Variants in ACSS2 observed in about 807,000 individuals in gnomAD.
ACSS2 encodes acyl-CoA synthetase short chain family member 2.
Under a neutral mutation model 90.6 loss-of-function variants are expected in ACSS2, and 58 were observed. The ratio of observed to expected loss-of-function variants is 0.64; its 90% CI spans 0.52 to 0.80. The LOEUF is 0.80. Among genes scored for constraint, ACSS2 ranks in the 30% least tolerant of loss-of-function variants. The pLI is 0.00. For synonymous variants in ACSS2, 300 were observed against 330.9 expected, an observed-to-expected ratio of 0.91 and a Z score of 1.01; for missense variants, 759 against 912.0, an observed-to-expected ratio of 0.83 and a Z score of 2.16.
chr20:34,923,818 A>AC (rs2081257354), intron 14 of ACSS2, among the ~76,000 whole-genome samples: 1 of 53,268 alleles, frequency 1.9e-5, no homozygotes, highest in Admixed American at 1.8e-4. Context: ...CGCCCCCCCC[A>AC]CCTCCCCGGC....
At chr20:34,899,923 A>T (rs564695164) in intron 2 of ACSS2, among the ~76,000 whole-genome samples, 1 of 152,296 alleles carries the variant, frequency 6.6e-6, no homozygotes, top group East Asian at 1.9e-4. Flanking sequence ...TCTTGGGTAT[A>T]TAGCTAGGAG....
chr20:34,879,533 A>AC (rs11167247), intron 1 of ACSS2, among the ~76,000 whole-genome samples: 439 of 149,446 alleles, frequency 2.9e-3, no homozygotes, highest in Non-Finnish European at 5.1e-3. Flanking sequence ...ACACACCCCT[A>AC]CCCCCCCCAA....
chr20:34,926,961 G>T lies in ACSS2; in HGVS notation c.1978+10G>T, dbSNP rs1383888193. 6.2e-7 allele frequency: 1 copy of T among 1,614,188 alleles called. No individual in the cohort carries two copies. On this transcript the variant is annotated intron_variant, in intron 17 of 17. Coordinates refer to ENST00000360596, the MANE Select transcript of ACSS2 (RefSeq NM_018677.4). Reference sequence around the variant, plus strand: ...CCTAAAACCCGCTCAGGTATGTTCAGAGGCCTCCATGGATTGGGATGGGCT... The same window carrying T: ...CCTAAAACCCGCTCAGGTATGTTCATAGGCCTCCATGGATTGGGATGGGCT...
chr20:34,903,132 A>G (rs1302612518), intron 2 of ACSS2, among the ~76,000 whole-genome samples: 2 of 151,962 alleles, frequency 1.3e-5, no homozygotes, highest in Admixed American at 1.3e-4. Context: ...ACTTGAGGTC[A>G]GGAGTTCGAG....
chr20:34,881,248 G>T (rs1483929439), intron 1 of ACSS2, among the ~76,000 whole-genome samples: 1 of 150,958 alleles, frequency 6.6e-6, no homozygotes, highest in East Asian at 1.9e-4. Flanking sequence ...TGTTGGTCAG[G>T]CTGGTCTCGA....
intron 2 of ACSS2, among the ~76,000 whole-genome samples, chr20:34,912,808 T>A (rs2080991468): frequency 6.6e-6 from 1 of 152,182 alleles, no homozygotes; most frequent in African/African-American, 2.4e-5. Context: ...CTTAATACAT[T>A]ACTAGGATGG....
chr20:34,914,548 G>A (rs912416786), intron 7 of ACSS2, 111 bp downstream of exon 7: 40 of 972,804 alleles, frequency 4.1e-5, no homozygotes, highest in Admixed American at 4.1e-4. Context: ...TGAGGATCCA[G>A]GAGCAATTCT....
chr20:34,881,374 A>G (rs1033651603), intron 1 of ACSS2, among the ~76,000 whole-genome samples: 3 of 151,940 alleles, frequency 2.0e-5, no homozygotes, highest in African/African-American at 7.3e-5. Context: ...ACTATCCTAA[A>G]TTCTCTGCAT....
At chr20:34,878,595 G>A (rs1380904461) in intron 1 of ACSS2, among the ~76,000 whole-genome samples, 4 of 152,212 alleles carry the variant, frequency 2.6e-5, no homozygotes, top group Admixed American at 2.0e-4. Flanking sequence ...GTAAAGTGGT[G>A]GAGTTGGGAT....
rs533090175 is a variant in ACSS2 at position 34,903,175 on chromosome 20, C to T, written c.375-9921C>T. Reference sequence around the variant, plus strand: ...TGGCTAACATGGTAAAACTTCATCTCTACTAAAAATACAAAAATTAGCCAG... The same window carrying T: ...TGGCTAACATGGTAAAACTTCATCTTTACTAAAAATACAAAAATTAGCCAG... On this transcript the variant is annotated intron_variant, in intron 2 of 17. Coordinates refer to ENST00000360596, the MANE Select transcript of ACSS2 (RefSeq NM_018677.4). Among the ~76,000 whole-genome samples, 4 of 152,070 alleles carry T rather than the reference C, an allele frequency of 2.6e-5. No homozygotes were observed. The East Asian group carries it at 7.8e-4, about 30-fold the overall frequency.
intron 2 of ACSS2, among the ~76,000 whole-genome samples, chr20:34,888,150 G>C (rs1334272265): frequency 6.7e-6 from 1 of 149,934 alleles, no homozygotes; most frequent in Non-Finnish European, 1.5e-5. Context: ...TTCACAGAAA[G>C]GAAAAAGCCT....
chr20:34,919,365 G>A (rs997466980), intron 7 of ACSS2, 70 bp from the exon 8 acceptor site: 29 of 1,589,204 alleles, frequency 1.8e-5, no homozygotes, highest in Non-Finnish European at 2.1e-5. Context: ...ATTCCCTCCA[G>A]GGGCAAGGTA....
chr20:34,914,692 C>G (rs918119215), intron 7 of ACSS2, among the ~76,000 whole-genome samples: 1 of 152,152 alleles, frequency 6.6e-6, no homozygotes, highest in Non-Finnish European at 1.5e-5. Flanking sequence ...TTGGGGTATC[C>G]TTGTGGGCAC....
intron 15 of ACSS2, 80 bp from the exon 16 acceptor site, chr20:34,926,025 C>G (rs2081311127): frequency 6.7e-7 from 1 of 1,484,742 alleles, no homozygotes; most frequent in East Asian, 2.3e-5. Context: ...CAGACCAGGA[C>G]TGCCCCATGG....
At position 34,906,749 on chromosome 20, in the gene ACSS2, G is replaced by A. The variant is rs113490924; in HGVS notation, c.375-6347G>A. ...TGTAATCCCAGCACTTTGGGAGGCC[G>A]AGGCAGGCGGATCACCTGAGGTCAG... On this transcript the variant is annotated intron_variant, in intron 2 of 17. Transcript: ENST00000360596. Among the ~76,000 whole-genome samples, 22 of 152,120 alleles carry A rather than the reference G, an allele frequency of 1.4e-4. No individual in the cohort carries two copies. In the East Asian group the frequency reaches 4.3e-3, roughly 29 times the overall value.
At chr20:34,926,812 A>G in intron 16 of ACSS2, 65 bp from the exon 17 acceptor site, 2 of 1,547,698 alleles carry the variant, frequency 1.3e-6, no homozygotes, top group South Asian at 1.1e-5. Context: ...AGCCATCTCT[A>G]CTTTGATTTT....
In ACSS2 at chr20:34,921,333, T is replaced by G; in HGVS notation, c.1281T>G (p.His427Gln). Reference sequence around the variant, plus strand: ...CTCTCCCATTCCCCTGCCCCAGGCATAGCCGGGCATCCTTGCAGGTGTTAG... The same window carrying G: ...CTCTCCCATTCCCCTGCCCCAGGCAGAGCCGGGCATCCTTGCAGGTGTTAG... ...MKFGDEPVTK[H>Q]SRASLQVLGT... The change falls in exon 11 of 18, where the codon CAT becomes CAG. Residue 427 changes from histidine (H) to glutamine (Q), a missense_variant. Coordinates refer to ENST00000360596, the MANE Select transcript of ACSS2 (RefSeq NM_018677.4). 6.2e-7 allele frequency: 1 copy of G among 1,614,178 alleles called. No individual in the cohort carries two copies. The highest frequency in any genetic ancestry group is 2.2e-5 in the East Asian group (1 of 44,880).
intron 2 of ACSS2, among the ~76,000 whole-genome samples, chr20:34,912,010 G>A (rs2080970514): frequency 6.6e-6 from 1 of 151,792 alleles, no homozygotes; most frequent in African/African-American, 2.4e-5. Context: ...TAGAGGCATG[G>A]TTTCACCACA....
intron 13 of ACSS2, 163 bp downstream of exon 13, chr20:34,922,029 T>C: frequency 7.2e-7 from 1 of 1,396,944 alleles, no homozygotes; most frequent in Non-Finnish European, 9.3e-7. Flanking sequence ...GGACCCTCGA[T>C]ACTTTGCCTG....
Sources: gnomAD v4.1 joint callset for allele counts (sites outside exome capture counted in the v4.1 genomes callset) on GRCh38, gnomAD v4.1.1 for gene constraint, MANE v1.5 for transcripts, NCBI Gene and HGNC (gene_info 2026-07-23, HGNC 2026-07-21) for gene names.